The following AGAP3 variants were observed in gnomAD, a reference collection of about 807,000 sequenced individuals.
The protein encoded by AGAP3 is arf-GAP with GTPase, ANK repeat and PH domain-containing protein 3.
In AGAP3, 24 loss-of-function variants were observed where a neutral mutation model predicts 96.9. The ratio of observed to expected loss-of-function variants is 0.25; its 90% CI spans 0.18 to 0.35. The LOEUF is 0.35. Ranked by LOEUF, AGAP3 falls within the 10% of genes least tolerant of loss-of-function variation. The pLI, the probability that AGAP3 is intolerant of heterozygous loss-of-function variation, is 1.00. For missense variants in AGAP3, 876 were observed against 1,254.2 expected, an observed-to-expected ratio of 0.70 and a Z score of 4.55; for synonymous variants, 563 against 536.1, an observed-to-expected ratio of 1.05 and a Z score of -0.69.
chr7:151,107,351 C>A lies in AGAP3; in HGVS notation c.332-9442C>A, dbSNP rs184373553. Among the ~76,000 whole-genome samples the A allele has an allele frequency of 1.7e-4, 25 of 146,312 alleles. No individual in the cohort carries two copies. The East Asian group carries it at 5.1e-3, about 30-fold the overall frequency. On this transcript the variant is annotated intron_variant, in intron 1 of 17. Coordinates refer to ENST00000397238, the MANE Select transcript of AGAP3 (RefSeq NM_031946.7). The stretch of plus-strand genomic sequence containing the variant: ...AAGTTTTTGCTTTTGGGGCCAGGCA[C>A]GATGGCTCATGCCTGTAATCCCAGT...
At chr7:151,104,968 G>A (rs1462273945) in intron 1 of AGAP3, among the ~76,000 whole-genome samples, 1 of 152,208 alleles carries the variant, frequency 6.6e-6, no homozygotes, top group East Asian at 1.9e-4. Flanking sequence ...CCCCTGGCGG[G>A]GCGGTTTGGT....
chr7:151,114,945 A>G lies in AGAP3; in HGVS notation c.332-1848A>G. The G allele has an allele frequency of 1.0e-6, 1 of 983,248 alleles. No homozygotes were observed. Among genetic ancestry groups the G allele is most frequent in the Non-Finnish European group, 1.2e-6 (1 of 830,794 alleles). The allele number at this position is 983,248 out of a possible 1,614,324, so 60.9% of individuals were successfully genotyped here. ...CAGTGAGCAGCCGGCGCGGCCGCGG[A>G]GCGTGTGCTCGGGCGGCCCGGAGCC... On this transcript the variant is annotated intron_variant, in intron 1 of 17. Transcript: ENST00000397238. This position sits in a 1 kb window ranked among gnomAD's most constrained non-coding sequence, Gnocchi z 4.4.
intron 1 of AGAP3, among the ~76,000 whole-genome samples, chr7:151,113,340 C>T (rs1275496823): frequency 6.6e-6 from 1 of 152,178 alleles, no homozygotes. Flanking sequence ...AATAACTAGT[C>T]CCACGGAAAT....
chr7:151,116,656 G>A (rs1327568090), intron 1 of AGAP3, 137 bp from the exon 2 acceptor site: 4 of 892,912 alleles, frequency 4.5e-6, no homozygotes, highest in Non-Finnish European at 7.3e-6. Flanking sequence ...TAGGGGTGAG[G>A]GTTGGGGGTC....
chr7:151,109,966 C>T (rs1006488478), intron 1 of AGAP3, among the ~76,000 whole-genome samples: 7 of 152,254 alleles, frequency 4.6e-5, no homozygotes, highest in Non-Finnish European at 7.3e-5. Flanking sequence ...TAGCTGGAAG[C>T]TGGGCCATTC....
rs1799725505 is a variant in AGAP3, at chr7:151,118,855, C to T, written c.969+223C>T. On this transcript the variant is annotated intron_variant, in intron 7 of 17. Coordinates refer to ENST00000397238, the MANE Select transcript of AGAP3 (RefSeq NM_031946.7). The surrounding 1 kb of genome is among the most constrained non-coding windows in gnomAD (Gnocchi z 6.1). ...GTGCCTGCCCCTTCCCGCTGCAATCCCCACTTCTCTCTGCTCTCCACCATT... is the reference window on the plus strand; with the variant it reads ...GTGCCTGCCCCTTCCCGCTGCAATCTCCACTTCTCTCTGCTCTCCACCATT... Among the ~76,000 whole-genome samples, 1 of 152,086 alleles carries T rather than the reference C, an allele frequency of 6.6e-6. No homozygotes were observed. Among genetic ancestry groups the T allele is most frequent in the African/African-American group, 2.4e-5 (1 of 41,442 alleles).
chr7:151,115,132 G>C (rs1338480255), intron 1 of AGAP3: 1 of 1,039,102 alleles, frequency 9.6e-7, no homozygotes, highest in Non-Finnish European at 1.2e-6. Flanking sequence ...CCGACTCCGC[G>C]GCCCCGGCCG....
intron 1 of AGAP3, among the ~76,000 whole-genome samples, chr7:151,102,754 T>C (rs1798885907): frequency 6.6e-6 from 1 of 152,102 alleles, no homozygotes; most frequent in African/African-American, 2.4e-5. Flanking sequence ...TAGCCAGGAC[T>C]GCAGACATAC....
At chr7:151,128,969 C>T (rs982621031) in intron 10 of AGAP3, among the ~76,000 whole-genome samples, 7 of 152,134 alleles carry the variant, frequency 4.6e-5, no homozygotes, top group African/African-American at 1.2e-4. Context: ...TCAGGGATGC[C>T]GATGTTGCCC....
Position 151,141,578 on chromosome 7 carries a change from T to G in AGAP3, c.1805-320T>G. 2.7e-6 allele frequency: 1 copy of G among 369,930 alleles called. No homozygotes were observed. The highest frequency in any genetic ancestry group is 5.1e-6 in the Non-Finnish European group (1 of 197,136). The allele number at this position is 369,930 out of a possible 1,614,324, so 22.9% of individuals were successfully genotyped here. A position where few individuals can be genotyped will look rare whatever the true frequency, so the allele number is the denominator to read the frequency against. Reference sequence around the variant, plus strand: ...CATCCTTCTCCAGATACTCAGCTCTTTCTGTGGGATGCACCCCTCTCTGGT... The same window carrying G: ...CATCCTTCTCCAGATACTCAGCTCTGTCTGTGGGATGCACCCCTCTCTGGT... On this transcript the variant is annotated intron_variant, in intron 13 of 17. Coordinates refer to ENST00000397238, the MANE Select transcript of AGAP3 (RefSeq NM_031946.7). The surrounding 1 kb of genome is among the most constrained non-coding windows in gnomAD (Gnocchi z 4.2).
Position 151,143,609 on chromosome 7 carries a change from C to A in AGAP3, c.2529+13C>A, listed in dbSNP as rs371611399. The A allele has an allele frequency of 3.8e-6, 6 of 1,597,248 alleles. No homozygotes were observed. Among genetic ancestry groups the A allele is most frequent in the Non-Finnish European group, 5.1e-6 (6 of 1,169,744 alleles). ...GCTGCTCATCTGGGTGAGTCACGTG[C>A]CTCTAGCCTGCCCTGACCTCGCTCT... On this transcript the variant is annotated intron_variant, in intron 17 of 17. Transcript: ENST00000397238. This position sits in a 1 kb window ranked among gnomAD's most constrained non-coding sequence, Gnocchi z 5.9.
At chr7:151,100,571 C>G (rs1470972787) in intron 1 of AGAP3, among the ~76,000 whole-genome samples, 1 of 152,218 alleles carries the variant, frequency 6.6e-6, no homozygotes, top group Non-Finnish European at 1.5e-5. Flanking sequence ...GTGGTTCACA[C>G]CTGTAGTCCC....
chr7:151,136,373 C>T (rs1366881514), intron 11 of AGAP3: 1 of 152,258 alleles, frequency 6.6e-6, no homozygotes. Flanking sequence ...CCTGTAATGA[C>T]AGCGCCCACA....
chr7:151,126,172 G>A (rs1800159504), intron 9 of AGAP3, among the ~76,000 whole-genome samples: 1 of 152,108 alleles, frequency 6.6e-6, no homozygotes, highest in African/African-American at 2.4e-5. Flanking sequence ...GAGGACGGGG[G>A]CGTTCAGGGT....
chr7:151,100,815 C>T (rs1487841584), intron 1 of AGAP3, among the ~76,000 whole-genome samples: 1 of 152,130 alleles, frequency 6.6e-6, no homozygotes, highest in Non-Finnish European at 1.5e-5. Context: ...GCATTCTAGC[C>T]TGGAAGACAG....
intron 1 of AGAP3, among the ~76,000 whole-genome samples, chr7:151,113,970 G>A (rs1385040273): frequency 6.6e-6 from 1 of 152,230 alleles, no homozygotes; most frequent in Non-Finnish European, 1.5e-5. Context: ...GACCCAGTGA[G>A]CAGCAGGGGC....
At chr7:151,122,332 C>T (rs939722204) in intron 8 of AGAP3, among the ~76,000 whole-genome samples, 4 of 152,216 alleles carry the variant, frequency 2.6e-5, no homozygotes, top group African/African-American at 9.6e-5. Flanking sequence ...TTCCCTCTGG[C>T]CTTGCTTTCT....
At chr7:151,087,926 G>C (rs1322730197) in intron 1 of AGAP3, among the ~76,000 whole-genome samples, 2 of 152,274 alleles carry the variant, frequency 1.3e-5, no homozygotes, top group Admixed American at 6.5e-5. Context: ...AGGCACCCCG[G>C]TGGCATGGTG....
In AGAP3 at chr7:151,141,801, C is replaced by CAG; in HGVS notation, c.1805-97_1805-96insAG. On this transcript the variant is annotated intron_variant, in intron 13 of 17. Transcript: ENST00000397238. The surrounding 1 kb of genome is among the most constrained non-coding windows in gnomAD (Gnocchi z 4.2). ...GGAAGGGTCTAGGGGAGGACACTTG[C>CAG]CAGTGGAGCAGGGTAGTGAGTGGAG... 6.6e-7 allele frequency: 1 copy of CAG among 1,520,156 alleles called. No homozygotes were observed. The highest frequency in any genetic ancestry group is 9.1e-7 in the Non-Finnish European group (1 of 1,098,720). 94.2% of individuals were successfully genotyped at this position (1,520,156 alleles called of 1,614,324 possible).
Sources: gnomAD v4.1 joint callset for allele counts (sites outside exome capture counted in the v4.1 genomes callset) on GRCh38, gnomAD v4.1.1 for gene constraint, Gnocchi (gnomAD v3.1) non-coding constraint, MANE v1.5 for transcripts, NCBI Gene and HGNC (gene_info 2026-07-23, HGNC 2026-07-21) for gene names.